Variants in TUSC3 observed in about 807,000 individuals in gnomAD.
The protein encoded by TUSC3 is tumor suppressor candidate 3.
A neutral mutation model predicts 44.8 loss-of-function variants in TUSC3; 45 were observed. The ratio of observed to expected loss-of-function variants is 1.00; its 90% CI spans 0.79 to 1.29. The LOEUF is 1.29. TUSC3 is among the 50% of genes most tolerant of loss of function. The pLI is 0.00. For synonymous variants in TUSC3, 212 were observed against 152.9 expected (o/e 1.39, Z -2.85); for missense variants, 519 against 437.9 (o/e 1.19, Z -1.65).
In TUSC3 at chr8:15,546,874, T is replaced by G. The variant is rs144672402; in HGVS notation, c.138+6306T>G. ...TTTTTCATGGTAGTTGGTATCTGTT[T>G]GCCTGCCTGCCTGCCTGCCTCCCAG... On this transcript the variant is annotated intron_variant, in intron 1 of 10. Transcript: ENST00000503731. 1.1e-4 allele frequency among the ~76,000 whole-genome samples: 16 copies of G among 151,604 alleles called. 1 individual carries two copies. The highest frequency in any genetic ancestry group is 3.6e-4 in the African/African-American group (15 of 41,446).
chr8:15,794,608 A>T, the TUSC3 span, among the ~76,000 whole-genome samples: 8 of 152,136 alleles, frequency 5.3e-5, no homozygotes, highest in African/African-American at 1.9e-4. Flanking sequence ...AGCCAGAATA[A>T]CAGGATTTTT....
chr8:15,592,929 G>C (rs1585133841), intron 1 of TUSC3, among the ~76,000 whole-genome samples: 2 of 152,114 alleles, frequency 1.3e-5, no homozygotes, highest in East Asian at 3.9e-4. Context: ...CAGGCGTTTT[G>C]GTTCTTGAGC....
At chr8:15,567,583 G>T (rs146281527) in intron 1 of TUSC3, among the ~76,000 whole-genome samples, 1 of 152,032 alleles carries the variant, frequency 6.6e-6, no homozygotes. Context: ...CTCTTGTATC[G>T]CTTTTTAAAT....
the TUSC3 span, among the ~76,000 whole-genome samples, chr8:15,776,062 C>T: frequency 6.6e-6 from 1 of 152,004 alleles, no homozygotes; most frequent in African/African-American, 2.4e-5. Flanking sequence ...TCTCCAAATA[C>T]AGAATAGTTT....
At chr8:15,746,060 C>G (rs1236911480) in intron 8 of TUSC3, among the ~76,000 whole-genome samples, 2 of 152,030 alleles carry the variant, frequency 1.3e-5, no homozygotes, top group Non-Finnish European at 2.9e-5. Flanking sequence ...TGTTGAAGAT[C>G]AGATGGTTGA....
At chr8:15,589,450 A>T (rs561978687) in intron 1 of TUSC3, among the ~76,000 whole-genome samples, 1 of 152,358 alleles carries the variant, frequency 6.6e-6, no homozygotes, top group Admixed American at 6.5e-5. Context: ...AATTCGAAAC[A>T]TAAAGATGGA....
intron 1 of TUSC3, among the ~76,000 whole-genome samples, chr8:15,424,636 T>C (rs1402603651): frequency 6.6e-6 from 1 of 152,140 alleles, no homozygotes; most frequent in Non-Finnish European, 1.5e-5. Flanking sequence ...ATCCCAGCAC[T>C]CTGGGAGGCC....
chr8:15,572,254 C>T (rs1370739310), intron 1 of TUSC3, among the ~76,000 whole-genome samples: 5 of 152,192 alleles, frequency 3.3e-5, no homozygotes. Context: ...GCAGCATAAA[C>T]ACTTGCTGCT....
the TUSC3 span, among the ~76,000 whole-genome samples, chr8:15,792,154 C>A: frequency 1.3e-5 from 2 of 151,928 alleles, no homozygotes; most frequent in African/African-American, 4.8e-5. Context: ...ACCCTCTACC[C>A]ACCTTTAATG....
intron 1 of TUSC3, among the ~76,000 whole-genome samples, chr8:15,614,247 G>T (rs748721238): frequency 6.6e-6 from 1 of 151,244 alleles, no homozygotes; most frequent in Non-Finnish European, 1.5e-5. Context: ...GGCTGAGATG[G>T]GGGTCTTTAG....
chr8:15,456,876 TAAATA>T (rs1479236423), intron 1 of TUSC3, among the ~76,000 whole-genome samples: 3 of 152,208 alleles, frequency 2.0e-5, no homozygotes, highest in South Asian at 2.1e-4. Context: ...AACTATTTCT[TAAATA>T]AAATACCAAA....
Position 15,764,251 on chromosome 8 carries a change from A to G in TUSC3, c.*95A>G, listed in dbSNP as rs753003730. On this transcript the variant is annotated 3_prime_UTR_variant, in exon 11 of 11. Coordinates refer to ENST00000503731, the MANE Select transcript of TUSC3 (RefSeq NM_006765.4). ...TGGGATTTGCATAAAGTGAATGTTT[A>G]CCATGAAGATAAACTGTTCCTGACT... 63 of 1,601,516 alleles carry G rather than the reference A, an allele frequency of 3.9e-5. No individual in the cohort carries two copies. Among genetic ancestry groups the G allele is most frequent in the Non-Finnish European group, 5.4e-5 (63 of 1,170,306 alleles).
chr8:15,806,977 G>A, the TUSC3 span: 1 of 1,464,768 alleles, frequency 6.8e-7, no homozygotes, highest in Non-Finnish European at 9.6e-7. Context: ...CAGGAAACCT[G>A]TTCTGATTCC....
chr8:15,830,838 G>C, the TUSC3 span, among the ~76,000 whole-genome samples: 5 of 152,178 alleles, frequency 3.3e-5, no homozygotes, highest in South Asian at 1.0e-3. Flanking sequence ...TACACTAGAA[G>C]CTTAAACCTC....
intron 7 of TUSC3, among the ~76,000 whole-genome samples, chr8:15,737,126 T>C (rs904174340): frequency 1.3e-5 from 2 of 152,164 alleles, no homozygotes; most frequent in Non-Finnish European, 2.9e-5. Flanking sequence ...TAGTCTATTA[T>C]AGAGAGCAAA....
intron 2 of TUSC3, among the ~76,000 whole-genome samples, chr8:15,626,409 A>G (rs1014615123): frequency 6.6e-6 from 1 of 152,222 alleles, no homozygotes; most frequent in Non-Finnish European, 1.5e-5. Flanking sequence ...GCTGTGCTCC[A>G]TAGAGCCAGT....
At chr8:15,522,261 C>G (rs898865416) in intron 2 of TUSC3, among the ~76,000 whole-genome samples, 11 of 150,828 alleles carry the variant, frequency 7.3e-5, no homozygotes, top group African/African-American at 2.4e-4. Flanking sequence ...TTGAGACAGT[C>G]TTGCTCTATC....
chr8:15,635,924 G>T (rs956402227), intron 2 of TUSC3, among the ~76,000 whole-genome samples: 1 of 152,184 alleles, frequency 6.6e-6, no homozygotes, highest in African/African-American at 2.4e-5. Flanking sequence ...TGACCTCTTG[G>T]TGACTAGTTC....
chr8:15,653,441 A>T (rs1807009190), intron 3 of TUSC3, among the ~76,000 whole-genome samples: 1 of 152,186 alleles, frequency 6.6e-6, no homozygotes, highest in South Asian at 2.1e-4. Context: ...CTGGTATATA[A>T]TCATATAAAT....
Sources: gnomAD v4.1 joint callset for allele counts (sites outside exome capture counted in the v4.1 genomes callset) on GRCh38, gnomAD v4.1.1 for gene constraint, MANE v1.5 for transcripts, NCBI Gene and HGNC (gene_info 2026-07-23, HGNC 2026-07-21) for gene names.